Variants in SCAF4 observed in about 807,000 individuals in gnomAD.
SCAF4 encodes the protein SR-related CTD associated factor 4.
A neutral mutation model predicts 129.8 loss-of-function variants in SCAF4; 25 were observed. That is an observed-to-expected ratio of 0.19 (90% CI 0.14 to 0.27). The LOEUF (loss-of-function observed/expected upper bound fraction) is 0.27, where lower values mean the gene tolerates loss of function less well. Among genes scored for constraint, SCAF4 ranks in the 10% least tolerant of loss-of-function variants. The probability of loss-of-function intolerance (pLI) is 1.00; values close to 1 mark genes in which losing one functional copy is unlikely to be tolerated. For missense variants in SCAF4, 1,246 were observed against 1,457.1 expected (o/e 0.86, Z 2.36); for synonymous variants, 551 against 497.7 (o/e 1.11, Z -1.43).
intron 1 of SCAF4, among the ~76,000 whole-genome samples, chr21:31,713,058 C>A (rs1417096389): frequency 6.7e-6 from 1 of 150,312 alleles, no homozygotes; most frequent in Non-Finnish European, 1.5e-5. Flanking sequence ...GTATATTTTT[C>A]TCACTCTAAA....
chr21:31,714,035 T>G (rs1486794551), intron 1 of SCAF4, among the ~76,000 whole-genome samples: 1 of 152,106 alleles, frequency 6.6e-6, no homozygotes, highest in Non-Finnish European at 1.5e-5. Context: ...TGAGAAAGAT[T>G]TGGTTTTGAA....
chr21:31,685,808 G>A, intron 16 of SCAF4, 75 bp from the exon 17 acceptor site: 2 of 1,361,568 alleles, frequency 1.5e-6, no homozygotes, highest in South Asian at 2.9e-5. Flanking sequence ...AGATAAAAGA[G>A]CAAACTGTTG....
At chr21:31,700,565 A>G (rs935527821) in intron 7 of SCAF4, among the ~76,000 whole-genome samples, 1 of 152,180 alleles carries the variant, frequency 6.6e-6, no homozygotes, top group African/African-American at 2.4e-5. Context: ...CAACAACAAA[A>G]AAGATACAAG....
At chr21:31,710,223 TAGA>T (rs1420397156) in intron 1 of SCAF4, among the ~76,000 whole-genome samples, 1 of 151,952 alleles carries the variant, frequency 6.6e-6, no homozygotes, top group African/African-American at 2.4e-5. Flanking sequence ...GAGGATGGAT[TAGA>T]AGGAGCCTGG....
intron 1 of SCAF4, among the ~76,000 whole-genome samples, chr21:31,717,546 T>C (rs954048347): frequency 1.3e-5 from 2 of 152,100 alleles, no homozygotes; most frequent in Non-Finnish European, 2.9e-5. Context: ...CTTTTGATTA[T>C]AAATATAACT....
At chr21:31,679,602 T>A (rs2049948860) in intron 19 of SCAF4, among the ~76,000 whole-genome samples, 1 of 152,166 alleles carries the variant, frequency 6.6e-6, no homozygotes, top group African/African-American at 2.4e-5. Flanking sequence ...GATTATATTT[T>A]AAAAATGATG....
rs1393840490 is a variant in SCAF4, at chr21:31,679,779, T to C, written c.2488+5270A>G. ...AGTGAAATTGGAGAATGATTACCTT[T>C]TTTAAATGCTTGGTTTTTTCAAAAT... is the stretch of plus-strand genomic sequence containing the variant. On this transcript the variant is annotated intron_variant, in intron 19 of 19. Transcript: ENST00000286835. 2.0e-5 allele frequency among the ~76,000 whole-genome samples: 3 copies of C among 152,202 alleles called. No homozygotes were observed. In the East Asian group the frequency reaches 5.8e-4, roughly 29 times the overall value.
In SCAF4 at chr21:31,693,373, A is replaced by G. The variant is rs77488564; in HGVS notation, c.1434T>C (p.Ser478=). Residue 478 remains serine (S), a synonymous_variant, in exon 12 of 20, where the codon TCT becomes TCC. Coordinates refer to ENST00000286835, the MANE Select transcript of SCAF4 (RefSeq NM_020706.2). ...DRRRHSPRSR[S]QERRDREKER... ...CTTTTTCTCGATCCCGTCTTTCTTG[A>G]GATCGAGATCGGGGAGAATGTCGGC... 7.7e-3 allele frequency: 12,105 copies of G among 1,575,548 alleles called. 842 individuals are homozygous for G. The African/African-American group carries it at 0.15, about 19-fold the overall frequency.
At chr21:31,719,293 A>AAAAAAAC (rs576428795) in intron 1 of SCAF4, among the ~76,000 whole-genome samples, 2 of 152,166 alleles carry the variant, frequency 1.3e-5, no homozygotes, top group South Asian at 2.1e-4. Flanking sequence ...TCTGTCCCAA[A>AAAAAAAC]AAAAAACAAA....
intron 1 of SCAF4, among the ~76,000 whole-genome samples, chr21:31,707,577 C>T (rs750895950): frequency 1.1e-4 from 16 of 152,328 alleles, no homozygotes; most frequent in Non-Finnish European, 2.2e-4. Flanking sequence ...CATAAGCATA[C>T]ACTTACCTGG....
chr21:31,690,396 A>C (rs2050231854), intron 15 of SCAF4, among the ~76,000 whole-genome samples: 1 of 152,148 alleles, frequency 6.6e-6, no homozygotes, highest in Non-Finnish European at 1.5e-5. Context: ...GAAGGAGGAG[A>C]GTGGCTTGAA....
intron 9 of SCAF4, among the ~76,000 whole-genome samples, 159 bp from the exon 10 acceptor site, chr21:31,695,139 G>A (rs115755531): frequency 6.0e-4 from 92 of 152,230 alleles, no homozygotes; most frequent in East Asian, 3.3e-3. Flanking sequence ...CAATTTCCAC[G>A]CAAGAATTGT....
chr21:31,701,051 G>T lies in SCAF4; in HGVS notation c.721C>A (p.Pro241Thr). The change falls in exon 7 of 20, where the codon CCA (proline) becomes ACA (threonine). Residue 241 changes from proline (P) to threonine (T), a missense_variant. Around this residue, in one of 6 missense-constraint regions of SCAF4, gnomAD observed 143 missense variants for 161.0 expected, o/e 0.89. Transcript: ENST00000286835. ...GGGAAAGCAGCTTTTTGTTCAGATG[G>T]TTGTGTAGGAGTTGTCTTTAACTGA... ...TAQLKTTPTQ[P>T]SEQKAAFPPP... The T allele has an allele frequency of 6.2e-7, 1 of 1,614,088 alleles. No homozygotes were observed. The highest frequency in any genetic ancestry group is 8.5e-7 in the Non-Finnish European group (1 of 1,180,006).
chr21:31,717,904 T>TACACATATATAC (rs2050972606), intron 1 of SCAF4, among the ~76,000 whole-genome samples: 4 of 117,994 alleles, frequency 3.4e-5, no homozygotes, highest in South Asian at 5.6e-4. Flanking sequence ...TACACATATA[T>TACACATATATAC]ACACACACAC....
At chr21:31,705,585 AC>A (rs1290272498) in intron 2 of SCAF4, 118 bp from the exon 3 acceptor site, 2 of 369,642 alleles carry the variant, frequency 5.4e-6, no homozygotes, top group African/African-American at 4.2e-5. Flanking sequence ...TACTGAATGA[AC>A]CATGAGAAAT....
intron 1 of SCAF4, among the ~76,000 whole-genome samples, chr21:31,709,268 C>T (rs2123622199): frequency 6.6e-6 from 1 of 150,904 alleles, no homozygotes; most frequent in South Asian, 2.1e-4. Flanking sequence ...GATTTTGTAA[C>T]ATACAAACTG....
intron 7 of SCAF4, 170 bp downstream of exon 7, chr21:31,700,825 C>T: frequency 1.3e-6 from 1 of 742,824 alleles, no homozygotes. Context: ...GAGCACATAT[C>T]ACATTTAAAA....
chr21:31,688,415 T>C lies in SCAF4; in HGVS notation c.1935A>G (p.Gly645=). The C allele has an allele frequency of 1.2e-6, 2 of 1,614,018 alleles. No homozygotes were observed. Among genetic ancestry groups the C allele is most frequent in the Non-Finnish European group, 1.7e-6 (2 of 1,179,958 alleles). Residue 645 remains glycine, a synonymous_variant, in exon 16 of 20, where the codon GGA becomes GGG. Coordinates refer to ENST00000286835, the MANE Select transcript of SCAF4 (RefSeq NM_020706.2). ...GTTCTGTGTGTGAGGTTTCAGCACC[T>C]CCATTTTGAGCAACTTCATTTTCAG... ...KKPENEVAQN[G]GAETSHTEPV...
At chr21:31,722,678 G>C (rs956188367) in intron 1 of SCAF4, among the ~76,000 whole-genome samples, 1 of 152,068 alleles carries the variant, frequency 6.6e-6, no homozygotes, top group Non-Finnish European at 1.5e-5. Context: ...ACTCAAGGTC[G>C]GGTGTGGTGG....
Sources: allele counts gnomAD v4.1 joint callset (sites outside exome capture counted in the v4.1 genomes callset), GRCh38; gene constraint gnomAD v4.1.1; regional missense constraint gnomAD v4.1.1; transcripts MANE v1.5; gene names NCBI Gene and HGNC (gene_info 2026-07-23, HGNC 2026-07-21).